GRM8: variants seen among roughly 807,000 people sequenced by gnomAD.
The protein encoded by GRM8 is glutamate metabotropic receptor 8, also known as metabotropic glutamate receptor 8.
A neutral mutation model predicts 87.2 loss-of-function variants in GRM8; 47 were observed. That is an observed-to-expected ratio of 0.54 (90% CI 0.43 to 0.69). GRM8 has a LOEUF of 0.69. Among genes scored for constraint, GRM8 ranks in the 30% least tolerant of loss-of-function variants. The pLI, the probability that GRM8 is intolerant of heterozygous loss-of-function variation, is 0.00. For missense variants in GRM8, 1,019 were observed against 1,139.2 expected (o/e 0.89, Z 1.52); for synonymous variants, 396 against 404.5 (o/e 0.98, Z 0.25).
At chr7:126,795,548 C>T (rs1821860173) in intron 6 of GRM8, among the ~76,000 whole-genome samples, 1 of 152,108 alleles carries the variant, frequency 6.6e-6, no homozygotes, top group African/African-American at 2.4e-5. Flanking sequence ...CTTCTACAGT[C>T]ACAAATCCCT....
intron 2 of GRM8, among the ~76,000 whole-genome samples, chr7:127,125,462 C>A (rs1827307924): frequency 6.6e-6 from 1 of 151,756 alleles, no homozygotes; most frequent in African/African-American, 2.4e-5. Flanking sequence ...ACAACTGACC[C>A]AAACACAAAT....
intron 3 of GRM8, among the ~76,000 whole-genome samples, chr7:127,069,909 C>T (rs532460644): frequency 6.6e-6 from 1 of 152,284 alleles, no homozygotes; most frequent in East Asian, 1.9e-4. Context: ...ACGTAGAATG[C>T]TATGTCCAAC....
chr7:126,471,562 G>A (rs1228601614), intron 9 of GRM8, among the ~76,000 whole-genome samples: 1 of 151,716 alleles, frequency 6.6e-6, no homozygotes, highest in Non-Finnish European at 1.5e-5. Flanking sequence ...CTCTGTTTTG[G>A]TACCAGTACC....
At chr7:126,510,082 G>T (rs1191835322) in intron 9 of GRM8, among the ~76,000 whole-genome samples, 3 of 151,952 alleles carry the variant, frequency 2.0e-5, no homozygotes, top group Non-Finnish European at 4.4e-5. Context: ...CCTCTGGGAA[G>T]GATATGAATG....
chr7:127,024,063 CT>C (rs150496879), intron 3 of GRM8, among the ~76,000 whole-genome samples: 2 of 152,080 alleles, frequency 1.3e-5, no homozygotes, highest in East Asian at 3.9e-4. Flanking sequence ...AATAAAGTAG[CT>C]TTTTTAAAAG....
intron 9 of GRM8, among the ~76,000 whole-genome samples, chr7:126,514,874 A>C (rs1215841984): frequency 6.6e-6 from 1 of 152,052 alleles, no homozygotes; most frequent in Non-Finnish European, 1.5e-5. Flanking sequence ...ATTACATTGA[A>C]TGTTTGATAG....
intron 6 of GRM8, among the ~76,000 whole-genome samples, chr7:126,891,705 T>A (rs1358425729): frequency 6.6e-6 from 1 of 152,064 alleles, no homozygotes; most frequent in Non-Finnish European, 1.5e-5. Context: ...CTAGGCTACA[T>A]CAGTTCTCCC....
chr7:127,001,836 T>C (rs1813756680), intron 3 of GRM8, among the ~76,000 whole-genome samples: 1 of 151,636 alleles, frequency 6.6e-6, no homozygotes, highest in South Asian at 2.1e-4. Flanking sequence ...ATCCTTTCAA[T>C]GGAATACTAC....
At chr7:126,928,459 C>A (rs186111967) in intron 3 of GRM8, among the ~76,000 whole-genome samples, 1 of 152,062 alleles carries the variant, frequency 6.6e-6, no homozygotes, top group Non-Finnish European at 1.5e-5. Context: ...ATGGCTTTAG[C>A]TCAGGGGTTC....
chr7:126,945,361 AT>A (rs1013359266), intron 3 of GRM8, among the ~76,000 whole-genome samples: 8 of 152,160 alleles, frequency 5.3e-5, no homozygotes, highest in Non-Finnish European at 8.8e-5. Flanking sequence ...TGTTTTCTGT[AT>A]TTTAAAACAT....
intron 8 of GRM8, among the ~76,000 whole-genome samples, chr7:126,564,730 T>C (rs1403057286): frequency 1.3e-5 from 2 of 152,162 alleles, no homozygotes; most frequent in East Asian, 3.9e-4. Flanking sequence ...AACTAATTTT[T>C]TGAGGCCAGC....
chr7:126,508,770 T>A (rs1027496521), intron 9 of GRM8, among the ~76,000 whole-genome samples: 19 of 152,162 alleles, frequency 1.2e-4, no homozygotes, highest in African/African-American at 4.3e-4. Flanking sequence ...AAATAAATAA[T>A]CTAGCATGTG....
intron 2 of GRM8, among the ~76,000 whole-genome samples, chr7:127,212,799 T>C (rs905084753): frequency 4.6e-5 from 7 of 152,226 alleles, no homozygotes; most frequent in South Asian, 2.1e-4. Flanking sequence ...CATATCCTTA[T>C]AGCCAAAGAA....
At chr7:126,981,976 C>T (rs1301840699) in intron 3 of GRM8, among the ~76,000 whole-genome samples, 1 of 152,014 alleles carries the variant, frequency 6.6e-6, no homozygotes. Context: ...ACATCTATAT[C>T]TATATCTATA....
At chr7:126,845,410 C>T (rs1213028559) in intron 6 of GRM8, among the ~76,000 whole-genome samples, 2 of 152,188 alleles carry the variant, frequency 1.3e-5, no homozygotes, top group African/African-American at 4.8e-5. Flanking sequence ...GATGCCTTAG[C>T]TCAACCTAGG....
chr7:126,690,454 C>T (rs1585537207), intron 7 of GRM8, among the ~76,000 whole-genome samples: 2 of 152,350 alleles, frequency 1.3e-5, no homozygotes, highest in African/African-American at 2.4e-5. Context: ...ACGGCTGGCA[C>T]TGGGGAACGC....
chr7:126,535,673 C>T (rs1815595190), intron 8 of GRM8, among the ~76,000 whole-genome samples: 1 of 152,172 alleles, frequency 6.6e-6, no homozygotes, highest in Non-Finnish European at 1.5e-5. Context: ...ACTGCCATGG[C>T]AATGGTGGGC....
At chr7:126,781,511 A>T (rs1218799494) in intron 6 of GRM8, among the ~76,000 whole-genome samples, 2 of 152,194 alleles carry the variant, frequency 1.3e-5, no homozygotes. Flanking sequence ...TTTAAACAAA[A>T]AGCTGAATAG....
chr7:126,498,617 G>C lies in GRM8; in HGVS notation c.2430+34335C>G, dbSNP rs149311260. 3.7e-3 allele frequency among the ~76,000 whole-genome samples: 561 copies of C among 152,066 alleles called. 5 individuals are homozygous for C. The highest frequency in any genetic ancestry group is 0.013 in the African/African-American group (536 of 41,538). On this transcript the variant is annotated intron_variant, in intron 9 of 10. Coordinates refer to ENST00000339582, the MANE Select transcript of GRM8 (RefSeq NM_000845.3). ...AGTGGGGGGACATGTACTGTTGGCT[G>C]TCTCTATTGCTTTTGTCTGATTAAT... is the stretch of plus-strand genomic sequence containing the variant.
Sources: allele counts gnomAD v4.1 joint callset (sites outside exome capture counted in the v4.1 genomes callset), GRCh38; gene constraint gnomAD v4.1.1; transcripts MANE v1.5; gene names NCBI Gene and HGNC (gene_info 2026-07-23, HGNC 2026-07-21).